Variants in TENT5D observed in about 807,000 individuals in gnomAD.
TENT5D encodes the protein terminal nucleotidyltransferase 5D, also known as cancer/testis antigen 112.
For missense variants in TENT5D, 191 were observed against 287.0 expected (o/e 0.67, Z 2.42); for synonymous variants, 103 against 100.6 (o/e 1.02, Z -0.15).
chrX:80,383,547 C>T (rs988514061), intron 3 of TENT5D, among the ~76,000 whole-genome samples: 2 of 112,433 alleles, frequency 1.8e-5, no homozygotes, highest in Admixed American at 1.9e-4. Flanking sequence ...TCATTGCTAT[C>T]ATTCCCATTA....
intron 2 of TENT5D, among the ~76,000 whole-genome samples, chrX:80,336,409 A>G (rs1347811919): frequency 9.1e-6 from 1 of 110,416 alleles, no homozygotes; most frequent in Non-Finnish European, 1.9e-5. Flanking sequence ...AGGAAAGTAC[A>G]GCCTGGAAAC....
chrX:80,387,568 T>G (rs1353936278), intron 3 of TENT5D, among the ~76,000 whole-genome samples: 5 of 111,896 alleles, frequency 4.5e-5, no homozygotes, highest in Non-Finnish European at 9.4e-5. Context: ...CCAGAGACTT[T>G]TGTTCTCTTC....
At chrX:80,390,062 G>A (rs1445716876) in intron 3 of TENT5D, among the ~76,000 whole-genome samples, 1 of 111,411 alleles carries the variant, frequency 9.0e-6, no homozygotes. Context: ...GGCCAAGAAT[G>A]TAGGAAATTC....
chrX:80,397,593 G>C (rs1025190357), intron 3 of TENT5D, among the ~76,000 whole-genome samples: 4 of 111,682 alleles, frequency 3.6e-5, no homozygotes, highest in African/African-American at 1.3e-4. Context: ...GGGAGGTGGA[G>C]GTTGTAGCAA....
intron 3 of TENT5D, among the ~76,000 whole-genome samples, chrX:80,402,678 G>A (rs1264595977): frequency 1.8e-5 from 2 of 111,509 alleles, no homozygotes; most frequent in Admixed American, 1.9e-4. Flanking sequence ...TAATTTTCAT[G>A]TATTTGTGAA....
At chrX:80,359,552 C>T (rs1036526251) in intron 3 of TENT5D, among the ~76,000 whole-genome samples, 10 of 111,061 alleles carry the variant, frequency 9.0e-5, no homozygotes, top group Admixed American at 1.9e-4. Flanking sequence ...AACTAAACAT[C>T]GCTTGTTCTC....
intron 3 of TENT5D, among the ~76,000 whole-genome samples, chrX:80,347,680 G>C (rs1271737670): frequency 8.9e-6 from 1 of 112,094 alleles, no homozygotes; most frequent in African/African-American, 3.2e-5. Flanking sequence ...AGTTTAATTA[G>C]ATCTCATTTG....
chrX:80,383,748 C>T (rs1363586052), intron 3 of TENT5D, among the ~76,000 whole-genome samples: 2 of 110,703 alleles, frequency 1.8e-5, no homozygotes, highest in Admixed American at 9.6e-5. Flanking sequence ...CCCAGCTACT[C>T]GGGAAGCTGA....
intron 3 of TENT5D, among the ~76,000 whole-genome samples, chrX:80,372,193 G>T (rs1337929807): frequency 9.0e-6 from 1 of 111,256 alleles, no homozygotes; most frequent in Admixed American, 9.7e-5. Flanking sequence ...ATGGTTTAAG[G>T]AGATGGTTTA....
intron 3 of TENT5D, among the ~76,000 whole-genome samples, chrX:80,349,700 A>G (rs1388281007): frequency 9.0e-6 from 1 of 110,533 alleles, no homozygotes; most frequent in Non-Finnish European, 1.9e-5. Flanking sequence ...TAGCTTTTAA[A>G]TTTGTTTGCT....
chrX:80,360,884 A>G (rs1161936967), intron 3 of TENT5D, among the ~76,000 whole-genome samples: 3 of 112,078 alleles, frequency 2.7e-5, no homozygotes, highest in Non-Finnish European at 5.6e-5. Context: ...GGTTTTTTAG[A>G]TGAGAATCTT....
At chrX:80,377,522 G>A (rs1280966738) in intron 3 of TENT5D, among the ~76,000 whole-genome samples, 1 of 111,404 alleles carries the variant, frequency 9.0e-6, no homozygotes. Context: ...TCCTCAGAAT[G>A]ATGGTTTCCA....
In TENT5D at chrX:80,340,948, G is replaced by T. The variant is rs141294484; in HGVS notation, c.-206-1552G>T. On this transcript the variant is annotated intron_variant, in intron 2 of 4. Coordinates refer to the TENT5D transcript ENST00000538312. ...TTCAGCCCACTCTTTTTCAGGATTA[G>T]CCACAGCAAGAGCAAAACACCCACT... is the stretch of plus-strand genomic sequence containing the variant. 4.6e-3 allele frequency among the ~76,000 whole-genome samples: 520 copies of T among 112,354 alleles called. 7 individuals are homozygous for T. The highest frequency in any genetic ancestry group is 0.016 in the African/African-American group (494 of 30,925).
At chrX:80,383,702 A>T (rs978383539) in intron 3 of TENT5D, among the ~76,000 whole-genome samples, 1 of 110,905 alleles carries the variant, frequency 9.0e-6, no homozygotes, top group Non-Finnish European at 1.9e-5. Flanking sequence ...CAAAAACACA[A>T]AAAATTAGCC....
chrX:80,360,274 T>G (rs1417666541), intron 3 of TENT5D, among the ~76,000 whole-genome samples: 5 of 112,467 alleles, frequency 4.4e-5, no homozygotes, highest in Non-Finnish European at 9.4e-5. Context: ...GAAAGCCATG[T>G]TCTTTTTTCT....
At chrX:80,436,513 G>A (rs1028358525) in intron 1 of TENT5D, among the ~76,000 whole-genome samples, 1 of 110,252 alleles carries the variant, frequency 9.1e-6, no homozygotes, top group Non-Finnish European at 1.9e-5. Flanking sequence ...TCTACATTAG[G>A]TACTTCTCCT....
intron 3 of TENT5D, among the ~76,000 whole-genome samples, chrX:80,397,854 G>A (rs1171413177): frequency 1.8e-5 from 2 of 111,963 alleles, no homozygotes; most frequent in African/African-American, 3.2e-5. Context: ...AGGCAGGGAG[G>A]TTGCAGTGAG....
At chrX:80,349,101 C>A (rs995940104) in intron 3 of TENT5D, among the ~76,000 whole-genome samples, 4 of 111,671 alleles carry the variant, frequency 3.6e-5, no homozygotes, top group Non-Finnish European at 7.5e-5. Context: ...TGTTCATCAA[C>A]GATACTGTCT....
chrX:80,371,511 A>G (rs1930624432), intron 3 of TENT5D, among the ~76,000 whole-genome samples: 1 of 111,781 alleles, frequency 8.9e-6, no homozygotes, highest in Non-Finnish European at 1.9e-5. Context: ...TTCCAATAGA[A>G]GGCTTTTTCA....
Sources: allele counts gnomAD v4.1 joint callset (sites outside exome capture counted in the v4.1 genomes callset), GRCh38; gene constraint gnomAD v4.1.1; transcripts MANE v1.5; gene names NCBI Gene and HGNC (gene_info 2026-07-23, HGNC 2026-07-21).